Variants in RYR3 observed in about 807,000 individuals in gnomAD.
RYR3 encodes ryanodine receptor 3.
Under a neutral mutation model 584.3 loss-of-function variants are expected in RYR3, and 207 were observed. The ratio of observed to expected loss-of-function variants is 0.35; its 90% CI spans 0.32 to 0.40. The LOEUF (loss-of-function observed/expected upper bound fraction) is 0.40. RYR3 is among the 10% of genes least tolerant of loss of function. The pLI, the probability that RYR3 is intolerant of heterozygous loss-of-function variation, is 1.00. For missense variants in RYR3, 5,616 were observed against 6,089.2 expected (o/e 0.92, Z 2.59); for synonymous variants, 2,416 against 2,248.5 (o/e 1.07, Z -2.11).
chr15:33,441,035 C>T (rs189065189), intron 1 of RYR3, among the ~76,000 whole-genome samples: 22 of 152,234 alleles, frequency 1.4e-4, no homozygotes, highest in East Asian at 3.9e-4. Flanking sequence ...TACCCAGTTA[C>T]GTACACAGCA....
chr15:33,592,748 A>T (rs1374763868), intron 16 of RYR3, among the ~76,000 whole-genome samples: 1 of 152,206 alleles, frequency 6.6e-6, no homozygotes, highest in African/African-American at 2.4e-5. Context: ...ATGGTGGATT[A>T]GACTTATCTG....
At chr15:33,669,534 G>T in intron 37 of RYR3, 78 bp downstream of exon 37, 1 of 1,225,984 alleles carries the variant, frequency 8.2e-7, no homozygotes, top group East Asian at 2.3e-5. Context: ...GAAAGCTAGT[G>T]GGAGGTTGGG....
At position 33,663,633 on chromosome 15, in the gene RYR3, G is replaced by A; in HGVS notation, c.5515G>A (p.Ala1839Thr). 1 of 1,613,396 alleles carries A rather than the reference G, an allele frequency of 6.2e-7. No individual in the cohort carries two copies. ...FGDIYVSKLQ[A>T]NQKFRYNELM... ...TGACATTTATGTCTCCAAGCTGCAG[G>A]CAAATCAGAAGTTCCGCTACAATGA... Residue 1839 changes from alanine to threonine, a missense_variant, in exon 36 of 104, where the codon GCA becomes ACA. Physicochemically the swap from Ala to Thr is moderately conservative, Grantham distance 58. Transcript: ENST00000634891.
At chr15:33,377,296 A>G (rs2040826515) in intron 1 of RYR3, among the ~76,000 whole-genome samples, 1 of 152,212 alleles carries the variant, frequency 6.6e-6, no homozygotes, top group Non-Finnish European at 1.5e-5. Context: ...TCTCTAAACA[A>G]TGACGCAGAC....
chr15:33,859,738 T>G lies in RYR3; in HGVS notation c.14299+7T>G. ...TTGCTGGCCATCATTCAAGGTATGA[T>G]TGCCAATTGTGTTGAGTATGAACAG... On this transcript the variant is annotated splice_region_variant and intron_variant, in intron 100 of 103. Transcript: ENST00000634891. The G allele has an allele frequency of 6.2e-7, 1 of 1,602,742 alleles. No individual in the cohort carries two copies. Among genetic ancestry groups the G allele is most frequent in the Non-Finnish European group, 8.5e-7 (1 of 1,173,630 alleles).
intron 1 of RYR3, among the ~76,000 whole-genome samples, chr15:33,409,931 A>C (rs2043287275): frequency 6.6e-6 from 1 of 152,154 alleles, no homozygotes; most frequent in Non-Finnish European, 1.5e-5. Flanking sequence ...AAACTCCTGA[A>C]AACACCAGGG....
At chr15:33,468,651 G>A (rs573073442) in intron 1 of RYR3, among the ~76,000 whole-genome samples, 3 of 152,322 alleles carry the variant, frequency 2.0e-5, no homozygotes, top group South Asian at 4.1e-4. Context: ...GGATGGGAAA[G>A]CAGAAGTTTT....
In RYR3 at chr15:33,576,993, A is replaced by C. The variant is rs111812378; in HGVS notation, c.1269-2983A>C. Among the ~76,000 whole-genome samples the C allele has an allele frequency of 4.0e-3, 607 of 152,314 alleles. 4 individuals are homozygous for C. The highest frequency in any genetic ancestry group is 0.014 in the African/African-American group (566 of 41,568). On this transcript the variant is annotated intron_variant, in intron 12 of 103. Coordinates refer to ENST00000634891, the MANE Select transcript of RYR3 (RefSeq NM_001036.6). ...CAACAGCGAACAAGTGGAGAGCCAA[A>C]TCATGAATGAATTCCCATTAATACT...
chr15:33,683,955 C>T (rs559075613), intron 38 of RYR3, among the ~76,000 whole-genome samples: 15 of 152,370 alleles, frequency 9.8e-5, no homozygotes, highest in African/African-American at 3.6e-4. Context: ...ATTGCTGAGG[C>T]TTGAGTAGGT....
chr15:33,810,904 C>A (rs761055844), intron 71 of RYR3, 74 bp from the exon 72 acceptor site: 1 of 1,277,440 alleles, frequency 7.8e-7, no homozygotes, highest in Non-Finnish European at 1.1e-6. Flanking sequence ...CGTTGACTCT[C>A]CATACATCCC....
intron 63 of RYR3, 66 bp downstream of exon 63, chr15:33,772,224 C>T: frequency 1.1e-6 from 1 of 923,146 alleles, no homozygotes; most frequent in Non-Finnish European, 1.7e-6. Flanking sequence ...GTGCAGGGCC[C>T]ATTCACTTAC....
At chr15:33,517,527 G>A (rs1157902982) in intron 3 of RYR3, among the ~76,000 whole-genome samples, 1 of 152,140 alleles carries the variant, frequency 6.6e-6, no homozygotes, top group African/African-American at 2.4e-5. Context: ...TACCCAATGT[G>A]TTCCAAAATA....
chr15:33,818,906 C>T (rs1338385630), intron 76 of RYR3, among the ~76,000 whole-genome samples: 2 of 152,148 alleles, frequency 1.3e-5, no homozygotes, highest in Non-Finnish European at 2.9e-5. Context: ...GGCGGACCAT[C>T]TGAGGGCAGG....
chr15:33,636,067 T>G (rs2061483385), intron 26 of RYR3, among the ~76,000 whole-genome samples: 2 of 152,154 alleles, frequency 1.3e-5, no homozygotes, highest in South Asian at 4.1e-4. Flanking sequence ...CCAAGCCCAT[T>G]GACTCCACTC....
At chr15:33,495,915 G>C (rs1023423270) in intron 2 of RYR3, among the ~76,000 whole-genome samples, 1 of 152,162 alleles carries the variant, frequency 6.6e-6, no homozygotes, top group African/African-American at 2.4e-5. Flanking sequence ...ATAATTGATT[G>C]GAAGTCTGTA....
chr15:33,353,538 C>T (rs1973557373), intron 1 of RYR3, among the ~76,000 whole-genome samples: 1 of 152,092 alleles, frequency 6.6e-6, no homozygotes, highest in Admixed American at 6.5e-5. Flanking sequence ...GACAACTAAC[C>T]ATACTGGTTT....
intron 85 of RYR3, among the ~76,000 whole-genome samples, chr15:33,828,816 T>C (rs948072446): frequency 6.6e-6 from 1 of 152,218 alleles, no homozygotes; most frequent in African/African-American, 2.4e-5. Context: ...AGAAGATCTA[T>C]CTAGGATAAT....
In RYR3 at chr15:33,662,716, T is replaced by C. The variant is rs1296326790; in HGVS notation, c.5186T>C (p.Ile1729Thr). ...CAGTTTGTGCCTGTGCTGAAACTCATTGGAACCCTGCTGGTCATGGGCGTG... is the reference window on the plus strand; with the variant it reads ...CAGTTTGTGCCTGTGCTGAAACTCACTGGAACCCTGCTGGTCATGGGCGTG... ...EFQFVPVLKL[I>T]GTLLVMGVFD... Residue 1729 changes from isoleucine (I) to threonine (T), a missense_variant, in exon 35 of 104, where the codon ATT becomes ACT. By Grantham distance (89) the Ile-to-Thr change is moderately conservative (BLOSUM62 -1). Transcript: ENST00000634891. 31 of 1,614,014 alleles carry C rather than the reference T, an allele frequency of 1.9e-5. No homozygotes were observed. The highest frequency in any genetic ancestry group is 4.0e-5 in the African/African-American group (3 of 74,908).
At chr15:33,511,659 G>T (rs545529503) in intron 3 of RYR3, among the ~76,000 whole-genome samples, 1 of 145,068 alleles carries the variant, frequency 6.9e-6, no homozygotes, top group African/African-American at 2.4e-5. Flanking sequence ...GAAATTAGAG[G>T]TGGCTGCACA....
Sources: gnomAD v4.1 joint callset for allele counts (sites outside exome capture counted in the v4.1 genomes callset) on GRCh38, gnomAD v4.1.1 for gene constraint, MANE v1.5 for transcripts, NCBI Gene and HGNC (gene_info 2026-07-23, HGNC 2026-07-21) for gene names.